Variants in RAB27A observed in about 807,000 individuals in gnomAD.
RAB27A encodes the protein ras-related protein Rab-27A.
A neutral mutation model predicts 20.8 loss-of-function variants in RAB27A; 17 were observed. That is an observed-to-expected ratio of 0.82 (90% CI 0.56 to 1.23). The LOEUF is 1.23. Among genes scored for constraint, RAB27A ranks in the 50% most tolerant of loss-of-function variants. RAB27A has a pLI of 0.00. For missense variants in RAB27A, 277 were observed against 266.7 expected, an observed-to-expected ratio of 1.04 and a Z score of -0.27; for synonymous variants, 85 against 92.8, an observed-to-expected ratio of 0.92 and a Z score of 0.48.
chr15:55,286,909 ATT>A (rs1898169285), intron 1 of RAB27A, among the ~76,000 whole-genome samples: 6 of 114,344 alleles, frequency 5.2e-5, no homozygotes, highest in African/African-American at 1.9e-4. Flanking sequence ...TCCTAGATGT[ATT>A]CTTTTTTTTT....
At chr15:55,230,904 A>G (rs537818886) in intron 3 of RAB27A, among the ~76,000 whole-genome samples, 97 of 152,194 alleles carry the variant, frequency 6.4e-4, no homozygotes, top group Non-Finnish European at 1.1e-3. Context: ...TTGAGCATCT[A>G]TTGAATTCAT....
intron 6 of RAB27A, among the ~76,000 whole-genome samples, chr15:55,214,208 G>A (rs1215288930): frequency 2.6e-5 from 4 of 152,180 alleles, no homozygotes; most frequent in East Asian, 1.9e-4. Flanking sequence ...AGGCCAAGGC[G>A]GGCGGATCAC....
In RAB27A at chr15:55,204,691, T is replaced by C. The variant is rs547027850; in HGVS notation, c.*816A>G. 9.8e-5 allele frequency: 15 copies of C among 152,318 alleles called. No homozygotes were observed. The East Asian group carries it at 2.7e-3, about 27-fold the overall frequency. 9.4% of individuals were successfully genotyped at this position (152,318 alleles called of 1,614,324 possible). A position where few individuals can be genotyped will look rare whatever the true frequency, so the allele number is the denominator to read the frequency against. On this transcript the variant is annotated 3_prime_UTR_variant, in exon 7 of 7. Coordinates refer to ENST00000336787, the MANE Select transcript of RAB27A (RefSeq NM_183235.3). The stretch of plus-strand genomic sequence containing the variant: ...GGCATAAGCACCAGCTATGTTCAGG[T>C]GCGGCCAGCACATAGGCCAAGTATA...
At chr15:55,210,224 T>TACATACACACATGTATGTGTGTATGTAG (rs1894950465) in intron 6 of RAB27A, among the ~76,000 whole-genome samples, 1 of 150,320 alleles carries the variant, frequency 6.7e-6, no homozygotes, top group Non-Finnish European at 1.5e-5. Context: ...TGTGTATGTA[T>TACATACACACATGTATGTGTGTATGTAG]ATATACACAC....
chr15:55,247,712 TG>T (rs1392682304), intron 2 of RAB27A, among the ~76,000 whole-genome samples: 2 of 152,146 alleles, frequency 1.3e-5, no homozygotes, highest in African/African-American at 4.8e-5. Context: ...CAGCCAGACG[TG>T]TTAAACATGA....
upstream of RAB27A, among the ~76,000 whole-genome samples, chr15:55,294,589 G>GAAAAAAAAA (rs1181179911): frequency 3.4e-5 from 1 of 29,184 alleles, no homozygotes; most frequent in Admixed American, 5.5e-4. Flanking sequence ...CCCTGTCTCC[G>GAAAAAAAAA]AAAAAAAAAA....
intron 5 of RAB27A, among the ~76,000 whole-genome samples, chr15:55,225,027 AGAG>A (rs1478290337): frequency 1.3e-5 from 2 of 152,216 alleles, no homozygotes; most frequent in Non-Finnish European, 2.9e-5. Flanking sequence ...TAAGACCTAC[AGAG>A]GACAGACTAA....
chr15:55,244,004 A>G (rs769373054), intron 2 of RAB27A, among the ~76,000 whole-genome samples: 38 of 152,162 alleles, frequency 2.5e-4, no homozygotes, highest in Non-Finnish European at 4.7e-4. Flanking sequence ...GAAAAGGAAT[A>G]AAAGTGTGAA....
chr15:55,318,433 G>A (rs1234514456), intron 1 of RAB27A, among the ~76,000 whole-genome samples: 1 of 146,694 alleles, frequency 6.8e-6, no homozygotes, highest in African/African-American at 2.5e-5. Context: ...GGCCGCACGC[G>A]GTGGCTCACG....
At chr15:55,302,463 G>A (rs867746635) in intron 2 of RAB27A, among the ~76,000 whole-genome samples, 1 of 152,250 alleles carries the variant, frequency 6.6e-6, no homozygotes, top group South Asian at 2.1e-4. Context: ...GCCTCCCAAA[G>A]TGCCGAGATG....
intron 6 of RAB27A, among the ~76,000 whole-genome samples, chr15:55,209,842 ACACATATATGTGTG>A (rs1894855765): frequency 8.5e-6 from 1 of 117,388 alleles, no homozygotes; most frequent in Admixed American, 8.6e-5. Flanking sequence ...ATATGTGTGT[ACACATATATGTGTG>A]TATATACATA....
intron 2 of RAB27A, among the ~76,000 whole-genome samples, chr15:55,262,429 G>A (rs1050609192): frequency 1.9e-4 from 29 of 150,698 alleles, no homozygotes; most frequent in African/African-American, 7.1e-4. Flanking sequence ...GTAGTCTCAG[G>A]TACTCGGGAG....
At chr15:55,275,782 T>C (rs1038182562) in intron 1 of RAB27A, among the ~76,000 whole-genome samples, 1 of 151,902 alleles carries the variant, frequency 6.6e-6, no homozygotes, top group African/African-American at 2.4e-5. Flanking sequence ...AAGACCTGAA[T>C]AGACATTTTT....
intron 1 of RAB27A, among the ~76,000 whole-genome samples, chr15:55,318,021 T>C (rs2055067929): frequency 6.6e-6 from 1 of 152,080 alleles, no homozygotes; most frequent in South Asian, 2.1e-4. Flanking sequence ...AGGAAGTGAA[T>C]TAGGGAAGGG....
At chr15:55,228,749 G>A (rs769432931) in intron 4 of RAB27A, 37 bp from the exon 5 acceptor site, 42 of 1,409,618 alleles carry the variant, frequency 3.0e-5, no homozygotes, top group Admixed American at 1.7e-4. Context: ...GTTAAACCAC[G>A]GCCCCACTCC....
intron 6 of RAB27A, among the ~76,000 whole-genome samples, chr15:55,209,045 G>C (rs898819697): frequency 6.6e-6 from 1 of 152,150 alleles, no homozygotes; most frequent in Non-Finnish European, 1.5e-5. Context: ...TAGTTTCAGA[G>C]TAAATATGAT....
chr15:55,205,641 G>A lies in RAB27A; in HGVS notation c.532C>T (p.Leu178=), dbSNP rs750079256. 9 of 1,613,980 alleles carry A rather than the reference G, an allele frequency of 5.6e-6. No individual in the cohort carries two copies. In the Admixed American group the frequency reaches 1.5e-4, roughly 27 times the overall value. The change falls in exon 7 of 7, where the codon CTG becomes TTG. Residue 178 remains leucine, a synonymous_variant. Transcript: ENST00000336787. ...TCCATTCGCTTCATTATCAGGTCCA[G>A]AAGCATCTCAATTGCTTGGCTTATG... ...TNISQAIEML[L]DLIMKRMERC...
intron 6 of RAB27A, among the ~76,000 whole-genome samples, chr15:55,220,774 A>G (rs1017602893): frequency 6.6e-6 from 1 of 152,200 alleles, no homozygotes; most frequent in African/African-American, 2.4e-5. Flanking sequence ...ATGAAACAAA[A>G]CATCTGTGAA....
intron 2 of RAB27A, among the ~76,000 whole-genome samples, chr15:55,301,986 C>T (rs1347499095): frequency 6.6e-6 from 1 of 151,938 alleles, no homozygotes; most frequent in Admixed American, 6.6e-5. Context: ...GGGCAGTGGC[C>T]TGGCCAATAT....
Sources: gnomAD v4.1 joint callset for allele counts (sites outside exome capture counted in the v4.1 genomes callset) on GRCh38, gnomAD v4.1.1 for gene constraint, MANE v1.5 for transcripts, NCBI Gene and HGNC (gene_info 2026-07-23, HGNC 2026-07-21) for gene names.